IPO8: variants seen among roughly 807,000 people sequenced by gnomAD.
The protein encoded by IPO8 is importin 8.
IPO8 carries 65 observed loss-of-function variants against 141.2 expected under a neutral mutation model. The observed-to-expected ratio is 0.46, with a 90% confidence interval of 0.38 to 0.57. IPO8 has a LOEUF of 0.57. Ranked by LOEUF, IPO8 falls within the 20% of genes least tolerant of loss-of-function variation. IPO8 has a pLI of 0.00. For synonymous variants in IPO8, 411 were observed against 420.3 expected, an observed-to-expected ratio of 0.98 and a Z score of 0.27; for missense variants, 980 against 1,246.8, an observed-to-expected ratio of 0.79 and a Z score of 3.22.
chr12:30,657,773 A>T (rs1205493843), intron 16 of IPO8, among the ~76,000 whole-genome samples: 3 of 152,210 alleles, frequency 2.0e-5, no homozygotes, highest in Admixed American at 2.0e-4. Flanking sequence ...TCATCAAGAT[A>T]TATTAAGTTA....
intron 20 of IPO8, among the ~76,000 whole-genome samples, chr12:30,642,659 CACATATATACTAT>C (rs1202172115): frequency 1.3e-5 from 2 of 150,894 alleles, no homozygotes. Flanking sequence ...TATATATACA[CACATATATACTAT>C]ACATATATAT....
chr12:30,695,575 C>T lies in IPO8; in HGVS notation c.73G>A (p.Glu25Lys), dbSNP rs1487079137. Residue 25 changes from glutamate (E) to lysine (K), a missense_variant, in exon 1 of 25, where the codon GAG becomes AAG. By Grantham distance (56) the Glu-to-Lys change is moderately conservative (BLOSUM62 1). This residue lies in a region of IPO8 where 40 missense variants were observed against 46.3 expected (regional missense o/e 0.86). Transcript: ENST00000256079. This position sits in a 1 kb window ranked among gnomAD's most constrained non-coding sequence, Gnocchi z 4.2. ...GACCCTCTCCTCACCTGGTTGAGCT[C>T]GTTCTCGGCTGCAATCCGCAACTTC... ...DPKLRIAAENELNQSYKIINF... is the reference protein window; with the variant it reads ...DPKLRIAAENKLNQSYKIINF... 1 of 1,613,988 alleles carries T rather than the reference C, an allele frequency of 6.2e-7. No individual in the cohort carries two copies. Among genetic ancestry groups the T allele is most frequent in the Non-Finnish European group, 8.5e-7 (1 of 1,179,898 alleles).
At position 30,666,634 on chromosome 12, in the gene IPO8, C is replaced by A. The variant is rs190733742; in HGVS notation, c.1145-383G>T. Among the ~76,000 whole-genome samples the A allele has an allele frequency of 1.5e-4, 23 of 152,224 alleles. No individual in the cohort carries two copies. In the East Asian group the frequency reaches 4.4e-3, roughly 29 times the overall value. ...CAAAGATCAAACAAAAAGGTTCTCA[C>A]GGAGCTTATGTCGTGAAACAAAGAA... On this transcript the variant is annotated intron_variant, in intron 10 of 24. Coordinates refer to ENST00000256079, the MANE Select transcript of IPO8 (RefSeq NM_006390.4).
intron 16 of IPO8, among the ~76,000 whole-genome samples, chr12:30,657,241 A>T (rs1048504203): frequency 6.6e-6 from 1 of 152,200 alleles, no homozygotes; most frequent in Admixed American, 6.5e-5. Context: ...AAATTAGTGA[A>T]TTTTTAAAAA....
At position 30,663,900 on chromosome 12, in the gene IPO8, T is replaced by C. The variant is rs141270162; in HGVS notation, c.1429-246A>G. Among the ~76,000 whole-genome samples, 681 of 152,308 alleles carry C rather than the reference T, an allele frequency of 4.5e-3. 1 individual carries two copies. The highest frequency in any genetic ancestry group is 8.1e-3 in the Non-Finnish European group (552 of 68,018). On this transcript the variant is annotated intron_variant, in intron 13 of 24. Transcript: ENST00000256079. The stretch of plus-strand genomic sequence containing the variant: ...AGGAAAGAGAAAAAGAAGCCAAATA[T>C]GTCTTTGACAAAAATCTATTTACGC...
In IPO8 at chr12:30,694,360, A is replaced by G. The variant is rs923543871; in HGVS notation, c.84+1204T>C. ...TCAACCCAACCTCCTCTCCATTGGC[A>G]GTGTCTTCACTCTCCCTTTTATCTC... On this transcript the variant is annotated intron_variant, in intron 1 of 24. Coordinates refer to ENST00000256079, the MANE Select transcript of IPO8 (RefSeq NM_006390.4). Among the ~76,000 whole-genome samples the G allele has an allele frequency of 1.3e-4, 20 of 152,280 alleles. No individual in the cohort carries two copies. The South Asian group carries it at 2.9e-3, about 22-fold the overall frequency.
chr12:30,659,327 T>C (rs1362243109), intron 16 of IPO8, among the ~76,000 whole-genome samples: 5 of 151,964 alleles, frequency 3.3e-5, no homozygotes, highest in Non-Finnish European at 7.4e-5. Flanking sequence ...CCTTCTCCAC[T>C]AATAATACAA....
chr12:30,662,384 C>T lies in IPO8; in HGVS notation c.1698G>A (p.Met566Ile), dbSNP rs2136149834. 2 of 1,613,750 alleles carry T rather than the reference C, an allele frequency of 1.2e-6. No individual in the cohort carries two copies. The highest frequency in any genetic ancestry group is 1.7e-6 in the Non-Finnish European group (2 of 1,179,802). The change falls in exon 15 of 25, where the codon ATG (methionine) becomes ATA (isoleucine). Residue 566 changes from methionine (M) to isoleucine (I), a missense_variant. Met to Ile is a conservative substitution (Grantham distance 10). Around this residue, in one of 3 missense-constraint regions of IPO8, gnomAD observed 924 missense variants for 1,153.9 expected, o/e 0.80. Coordinates refer to ENST00000256079, the MANE Select transcript of IPO8 (RefSeq NM_006390.4). Reference sequence around the variant, plus strand: ...CTACCTCTTGACTGTATTCACATATCATCTTCTGGATGACATTAGTAACAT... The same window carrying T: ...CTACCTCTTGACTGTATTCACATATTATCTTCTGGATGACATTAGTAACAT... ...NDDVTNVIQK[M>I]ICEYSQEVAS...
intron 23 of IPO8, among the ~76,000 whole-genome samples, chr12:30,633,421 T>A (rs777339188): frequency 2.6e-5 from 4 of 152,228 alleles, no homozygotes; most frequent in Non-Finnish European, 5.9e-5. Flanking sequence ...TTTATTTGAT[T>A]AATAATTTTC....
intron 16 of IPO8, among the ~76,000 whole-genome samples, chr12:30,660,105 C>T (rs551525753): frequency 6.0e-5 from 9 of 149,808 alleles, no homozygotes; most frequent in African/African-American, 2.2e-4. Context: ...CACCTGTAGT[C>T]CCAGCTCCTC....
At chr12:30,668,575 G>T (rs1473175232) in intron 10 of IPO8, among the ~76,000 whole-genome samples, 1 of 152,192 alleles carries the variant, frequency 6.6e-6, no homozygotes, top group East Asian at 1.9e-4. Context: ...GTGGGAGATA[G>T]GTATGCAAAT....
intron 19 of IPO8, 146 bp from the exon 20 acceptor site, chr12:30,649,378 A>C (rs1004391680): frequency 1.2e-5 from 6 of 498,366 alleles, no homozygotes; most frequent in African/African-American, 9.8e-5. Flanking sequence ...CCCAAAGAAG[A>C]ATGGTCAAAA....
intron 17 of IPO8, 59 bp downstream of exon 17, chr12:30,656,625 T>C (rs1277508873): frequency 1.0e-6 from 1 of 977,856 alleles, no homozygotes; most frequent in Non-Finnish European, 1.5e-6. Context: ...AAATTATACT[T>C]TGAGTTCAAA....
intron 20 of IPO8, among the ~76,000 whole-genome samples, chr12:30,641,332 T>C (rs2052571003): frequency 6.6e-6 from 1 of 152,046 alleles, no homozygotes; most frequent in African/African-American, 2.4e-5. Flanking sequence ...TGTTTTTTAA[T>C]GAAAGGATGA....
chr12:30,679,071 T>C (rs914309870), intron 5 of IPO8, among the ~76,000 whole-genome samples: 8 of 152,182 alleles, frequency 5.3e-5, no homozygotes, highest in African/African-American at 1.7e-4. Flanking sequence ...ACTCCAGACC[T>C]CAGGTGACCC....
At chr12:30,694,901 G>A (rs372345450) in intron 1 of IPO8, 2 of 440,132 alleles carry the variant, frequency 4.5e-6, no homozygotes, top group Non-Finnish European at 9.2e-6. Context: ...GGCTAATTAG[G>A]AAGAACAGGA....
At chr12:30,652,879 G>T in intron 18 of IPO8, 88 bp downstream of exon 18, 3 of 1,175,918 alleles carry the variant, frequency 2.6e-6, no homozygotes, top group Non-Finnish European at 2.4e-6. Context: ...GATCAATATT[G>T]GAATCATATG....
chr12:30,678,621 T>C (rs2053152572), intron 5 of IPO8, among the ~76,000 whole-genome samples: 1 of 152,118 alleles, frequency 6.6e-6, no homozygotes, highest in African/African-American at 2.4e-5. Context: ...ACTGTACATG[T>C]ACAAAGGTAG....
chr12:30,690,351 G>C (rs1022003564), intron 2 of IPO8, 145 bp downstream of exon 2: 18 of 574,872 alleles, frequency 3.1e-5, no homozygotes, highest in Non-Finnish European at 4.9e-5. Flanking sequence ...GAAAAAGAAA[G>C]TGAGTTTTGA....
Sources: allele counts gnomAD v4.1 joint callset (sites outside exome capture counted in the v4.1 genomes callset), GRCh38; gene constraint gnomAD v4.1.1; regional missense constraint gnomAD v4.1.1; non-coding constraint Gnocchi (gnomAD v3.1); transcripts MANE v1.5; gene names NCBI Gene and HGNC (gene_info 2026-07-23, HGNC 2026-07-21).